The following MCCC2 variants were observed in gnomAD, a reference collection of about 807,000 sequenced individuals.
MCCC2 encodes the protein methylcrotonoyl-CoA carboxylase beta chain, mitochondrial.
In MCCC2, 52 loss-of-function variants were observed where a neutral mutation model predicts 77.2. The ratio of observed to expected loss-of-function variants is 0.67; its 90% CI spans 0.54 to 0.85. MCCC2 has a LOEUF of 0.85. Among genes scored for constraint, MCCC2 ranks in the 40% least tolerant of loss-of-function variants. The pLI is 0.00. For synonymous variants in MCCC2, 253 were observed against 248.4 expected (o/e 1.02, Z -0.18); for missense variants, 682 against 703.2 (o/e 0.97, Z 0.34).
intron 6 of MCCC2, among the ~76,000 whole-genome samples, chr5:71,624,184 C>A (rs1746456976): frequency 6.6e-6 from 1 of 152,154 alleles, no homozygotes; most frequent in Non-Finnish European, 1.5e-5. Flanking sequence ...GAGGGGGGGC[C>A]CTACCTCATG....
At chr5:71,632,681 G>A (rs1015573690) in intron 8 of MCCC2, among the ~76,000 whole-genome samples, 8 of 151,920 alleles carry the variant, frequency 5.3e-5, no homozygotes, top group Non-Finnish European at 7.4e-5. Context: ...AAAATGCCCC[G>A]ATCTGTGGCA....
chr5:71,589,752 C>CT (rs1744901118), intron 1 of MCCC2, among the ~76,000 whole-genome samples: 2 of 152,270 alleles, frequency 1.3e-5, no homozygotes, highest in South Asian at 4.1e-4. Flanking sequence ...TGTGGTTTTA[C>CT]TCATGTATTT....
intron 14 of MCCC2, 116 bp from the exon 15 acceptor site, chr5:71,649,953 T>C: frequency 1.3e-6 from 1 of 779,448 alleles, no homozygotes; most frequent in Non-Finnish European, 2.2e-6. Context: ...GCTCTACAGA[T>C]GATTGTAATG....
chr5:71,592,816 C>A, intron 1 of MCCC2, 110 bp from the exon 2 acceptor site: 1 of 882,652 alleles, frequency 1.1e-6, no homozygotes, highest in Non-Finnish European at 1.8e-6. Context: ...GTGGCGGCCA[C>A]ACAGAGTTGG....
At chr5:71,626,554 C>T in intron 6 of MCCC2, 86 bp from the exon 7 acceptor site, 1 of 994,186 alleles carries the variant, frequency 1.0e-6, no homozygotes, top group Non-Finnish European at 1.6e-6. Flanking sequence ...CTGGTCACTG[C>T]AGTGTTTGTG....
At chr5:71,645,669 C>G (rs1461788804) in intron 12 of MCCC2, among the ~76,000 whole-genome samples, 5 of 152,184 alleles carry the variant, frequency 3.3e-5, no homozygotes, top group African/African-American at 9.7e-5. Context: ...TTCAGCAATT[C>G]TCATTCGCAT....
intron 16 of MCCC2, 124 bp downstream of exon 16, chr5:71,652,878 C>A: frequency 1.2e-6 from 1 of 847,616 alleles, no homozygotes; most frequent in Non-Finnish European, 2.0e-6. Flanking sequence ...AACATTTGGA[C>A]ACACTTAATT....
intron 13 of MCCC2, 33 bp from the exon 14 acceptor site, chr5:71,649,064 A>AC: frequency 1.9e-6 from 3 of 1,613,410 alleles, no homozygotes; most frequent in Non-Finnish European, 2.5e-6. Flanking sequence ...TAATCCCATC[A>AC]CCCAGAGGCT....
intron 12 of MCCC2, among the ~76,000 whole-genome samples, chr5:71,644,148 C>T (rs930992889): frequency 5.9e-5 from 9 of 151,436 alleles, no homozygotes; most frequent in Non-Finnish European, 1.2e-4. Flanking sequence ...CATGCTGTGA[C>T]GAACCATCTG....
intron 2 of MCCC2, 79 bp downstream of exon 2, chr5:71,593,071 T>A: frequency 8.1e-7 from 1 of 1,227,036 alleles, no homozygotes; most frequent in Non-Finnish European, 1.2e-6. Flanking sequence ...GGAAAAATAC[T>A]GGAATTAAGC....
rs949240449 is a variant in MCCC2, at chr5:71,587,378, C to A, written c.-48C>A. ...GCCAGGGAAGCGGCAGGGGAAAGCACCGGCTCCAGGCCAGCGTGGGCCGCT... is the reference window on the plus strand; with the variant it reads ...GCCAGGGAAGCGGCAGGGGAAAGCAACGGCTCCAGGCCAGCGTGGGCCGCT... On this transcript the variant is annotated 5_prime_UTR_variant, in exon 1 of 17. Transcript: ENST00000340941. The A allele has an allele frequency of 3.3e-6, 5 of 1,526,194 alleles. No homozygotes were observed. Among genetic ancestry groups the A allele is most frequent in the Non-Finnish European group, 4.4e-6 (5 of 1,142,542 alleles). 94.5% of individuals were successfully genotyped at this position (1,526,194 alleles called of 1,614,324 possible). A position where few individuals can be genotyped will look rare whatever the true frequency, so the allele number is the denominator to read the frequency against.
In MCCC2 at chr5:71,652,752, A is replaced by C; in HGVS notation, c.1572A>C (p.Ala524=). 6.2e-7 allele frequency: 1 copy of C among 1,613,972 alleles called. No individual in the cohort carries two copies. Among genetic ancestry groups the C allele is most frequent in the Non-Finnish European group, 8.5e-7 (1 of 1,179,846 alleles). ...EEEGNPYYSS[A]RVWDDGIIDP... ...AAGGAAACCCTTACTATTCCAGCGC[A>C]AGGTGGGGGCCAGAACATCACTAAC... is the stretch of plus-strand genomic sequence containing the variant. Residue 524 remains alanine (A), a splice_region_variant and synonymous_variant, in exon 16 of 17, where the codon GCA becomes GCC. Coordinates refer to ENST00000340941, the MANE Select transcript of MCCC2 (RefSeq NM_022132.5).
chr5:71,607,736 A>T (rs1225966702), intron 6 of MCCC2, among the ~76,000 whole-genome samples: 3 of 150,858 alleles, frequency 2.0e-5, no homozygotes, highest in Admixed American at 6.6e-5. Flanking sequence ...TTCCCTCTAC[A>T]CACTGTTTGA....
At chr5:71,652,009 G>C (rs781391373) in intron 15 of MCCC2, among the ~76,000 whole-genome samples, 3 of 152,194 alleles carry the variant, frequency 2.0e-5, no homozygotes, top group Non-Finnish European at 4.4e-5. Context: ...GCATATTTAC[G>C]TAAAAGAAGG....
At chr5:71,637,894 A>G (rs1320831279) in intron 10 of MCCC2, among the ~76,000 whole-genome samples, 1 of 152,050 alleles carries the variant, frequency 6.6e-6, no homozygotes, top group Non-Finnish European at 1.5e-5. Context: ...TTGTATTTTT[A>G]GTAGAGACGG....
chr5:71,587,916 A>G (rs1244709568), intron 1 of MCCC2, among the ~76,000 whole-genome samples: 1 of 152,076 alleles, frequency 6.6e-6, no homozygotes, highest in Non-Finnish European at 1.5e-5. Context: ...AGCTTTGGGA[A>G]CCACTGGCCT....
intron 12 of MCCC2, among the ~76,000 whole-genome samples, chr5:71,644,365 A>G (rs549088295): frequency 9.2e-5 from 14 of 152,236 alleles, no homozygotes; most frequent in South Asian, 6.2e-4. Flanking sequence ...CTATCCCATT[A>G]TCGCTTTAAC....
At chr5:71,626,586 A>C in intron 6 of MCCC2, 54 bp from the exon 7 acceptor site, 1 of 1,377,322 alleles carries the variant, frequency 7.3e-7, no homozygotes, top group Non-Finnish European at 1.0e-6. Context: ...CAAACACTAT[A>C]GAAGTCACTG....
intron 7 of MCCC2, among the ~76,000 whole-genome samples, chr5:71,628,815 A>G (rs1186901508): frequency 6.6e-6 from 1 of 152,256 alleles, no homozygotes; most frequent in Non-Finnish European, 1.5e-5. Context: ...ATACATTTGT[A>G]TACTTCTATA....
Sources: gnomAD v4.1 joint callset for allele counts (sites outside exome capture counted in the v4.1 genomes callset) on GRCh38, gnomAD v4.1.1 for gene constraint, MANE v1.5 for transcripts, NCBI Gene and HGNC (gene_info 2026-07-23, HGNC 2026-07-21) for gene names.